Variants in ENOX1 observed in about 807,000 individuals in gnomAD.
ENOX1 encodes candidate growth-related and time keeping constitutive hydroquinone (NADH) oxidase.
Under a neutral mutation model 82.5 loss-of-function variants are expected in ENOX1, and 42 were observed. The observed-to-expected ratio is 0.51, with a 90% confidence interval of 0.40 to 0.66. The LOEUF (loss-of-function observed/expected upper bound fraction) is 0.66. ENOX1 is among the 30% of genes least tolerant of loss of function. The probability of loss-of-function intolerance (pLI) is 0.00; values close to 1 mark genes in which losing one functional copy is unlikely to be tolerated. For synonymous variants in ENOX1, 271 were observed against 282.2 expected, an observed-to-expected ratio of 0.96 and a Z score of 0.40; for missense variants, 608 against 811.6, an observed-to-expected ratio of 0.75 and a Z score of 3.05.
intron 14 of ENOX1, among the ~76,000 whole-genome samples, chr13:43,259,540 C>T (rs2043937394): frequency 6.6e-6 from 1 of 152,146 alleles, no homozygotes; most frequent in Admixed American, 6.5e-5. Context: ...GCGATCTCGG[C>T]TTACTGCTAC....
chr13:43,570,204 C>T (rs950278106), intron 2 of ENOX1, among the ~76,000 whole-genome samples: 3 of 152,254 alleles, frequency 2.0e-5, no homozygotes, highest in Admixed American at 6.5e-5. Context: ...GAGATAGTCA[C>T]GTTTCAAAGT....
At chr13:43,458,489 A>T (rs1378970629) in intron 3 of ENOX1, 1 of 152,198 alleles carries the variant, frequency 6.6e-6, no homozygotes, top group Admixed American at 6.5e-5. Context: ...GTCACCTGGA[A>T]GCAACGCATC....
intron 3 of ENOX1, among the ~76,000 whole-genome samples, chr13:43,421,602 CAGTTTTCTGTTAAGGCAGAAAGATAAAGG>C (rs2054979419): frequency 6.6e-6 from 1 of 152,136 alleles, no homozygotes; most frequent in East Asian, 1.9e-4. Flanking sequence ...ACTCTTTTTC[CAGTTTTCTGTTAAGGCAGAAAGATAAAGG>C]AGATATATAC....
At chr13:43,759,464 G>C (rs563188193) in intron 1 of ENOX1, among the ~76,000 whole-genome samples, 1 of 151,978 alleles carries the variant, frequency 6.6e-6, no homozygotes, top group Admixed American at 6.6e-5. Flanking sequence ...ATAGAACCTC[G>C]GAGTTAAATT....
At chr13:43,542,406 AT>A (rs1295513759) in intron 2 of ENOX1, among the ~76,000 whole-genome samples, 1 of 146,338 alleles carries the variant, frequency 6.8e-6, no homozygotes. Context: ...TGCTGGGATT[AT>A]AGGCTTAAGC....
chr13:43,281,580 C>A (rs909845505), intron 12 of ENOX1, among the ~76,000 whole-genome samples: 10 of 152,114 alleles, frequency 6.6e-5, no homozygotes, highest in Middle Eastern at 3.2e-3. Context: ...CTTTAGCAGT[C>A]CCCCTACTCT....
intron 9 of ENOX1, among the ~76,000 whole-genome samples, chr13:43,337,698 A>G (rs2048792993): frequency 6.6e-6 from 1 of 152,114 alleles, no homozygotes; most frequent in African/African-American, 2.4e-5. Flanking sequence ...TCTACCTATA[A>G]GCTGTACCTT....
chr13:43,564,470 A>G (rs2079829579), intron 2 of ENOX1, among the ~76,000 whole-genome samples: 2 of 152,122 alleles, frequency 1.3e-5, no homozygotes, highest in Non-Finnish European at 2.9e-5. Flanking sequence ...TGAGGAATAG[A>G]CGGAATTTGA....
intron 11 of ENOX1, among the ~76,000 whole-genome samples, chr13:43,298,876 C>CAATCATATCTACT (rs1383109519): frequency 1.2e-4 from 18 of 152,250 alleles, no homozygotes; most frequent in African/African-American, 4.3e-4. Context: ...TTCCAGGCAA[C>CAATCATATCTACT]AATCATATCT....
Position 43,506,552 on chromosome 13 carries a change from C to T in ENOX1, c.-218-22400G>A, listed in dbSNP as rs1003843039. Among the ~76,000 whole-genome samples the T allele has an allele frequency of 5.2e-5, 7 of 135,920 alleles. 1 individual carries two copies. The highest frequency in any genetic ancestry group is 1.5e-4 in the Admixed American group (2 of 13,438). The allele number at this position is 135,920 out of a possible 152,430, so 89.2% of individuals were successfully genotyped here. Reference sequence around the variant, plus strand: ...ACATGCACACATATGTTTATTGTGGCACTATTCACAATAGCAAAGACTTGG... The same window carrying T: ...ACATGCACACATATGTTTATTGTGGTACTATTCACAATAGCAAAGACTTGG... On this transcript the variant is annotated intron_variant, in intron 2 of 16. Coordinates refer to ENST00000690772, the MANE Select transcript of ENOX1 (RefSeq NM_001347969.2).
chr13:43,575,504 A>T (rs1369290726), intron 2 of ENOX1, among the ~76,000 whole-genome samples: 1 of 152,210 alleles, frequency 6.6e-6, no homozygotes, highest in African/African-American at 2.4e-5. Flanking sequence ...AGATTTCCAT[A>T]GGTAGTGTTC....
At chr13:43,373,515 T>A (rs1464722526) in intron 5 of ENOX1, among the ~76,000 whole-genome samples, 1 of 152,190 alleles carries the variant, frequency 6.6e-6, no homozygotes, top group East Asian at 1.9e-4. Context: ...AACTGAGTTT[T>A]CCCTTTGTAA....
At chr13:43,470,344 A>G (rs1406031388) in intron 3 of ENOX1, among the ~76,000 whole-genome samples, 14 of 11,524 alleles carry the variant, frequency 1.2e-3, no homozygotes, top group Admixed American at 2.5e-3. Context: ...ATATATACGT[A>G]TATATATATG....
At chr13:43,520,306 C>G (rs2077714686) in intron 2 of ENOX1, among the ~76,000 whole-genome samples, 1 of 152,124 alleles carries the variant, frequency 6.6e-6, no homozygotes. Context: ...GAATGTACTT[C>G]ATTATCCCTG....
chr13:43,460,456 G>T (rs1470020755), intron 3 of ENOX1, among the ~76,000 whole-genome samples: 2 of 152,048 alleles, frequency 1.3e-5, no homozygotes, highest in African/African-American at 4.8e-5. Context: ...AACTGTCCTG[G>T]TTTGCCCAGT....
At chr13:43,530,981 G>A (rs2078185136) in intron 2 of ENOX1, among the ~76,000 whole-genome samples, 2 of 151,714 alleles carry the variant, frequency 1.3e-5, no homozygotes, top group Admixed American at 6.6e-5. Context: ...ACAATCTGGG[G>A]AAGTCCTTAT....
chr13:43,728,001 T>C (rs1028219429), intron 1 of ENOX1, among the ~76,000 whole-genome samples: 1 of 152,222 alleles, frequency 6.6e-6, no homozygotes, highest in Admixed American at 6.5e-5. Context: ...AAATATGCAA[T>C]AGTTTAATGT....
intron 2 of ENOX1, among the ~76,000 whole-genome samples, chr13:43,500,126 C>A (rs1171513792): frequency 6.6e-6 from 1 of 151,912 alleles, no homozygotes; most frequent in East Asian, 1.9e-4. Context: ...CATCAGCAAG[C>A]AAACTAATAT....
At chr13:43,498,736 T>C (rs2076878575) in intron 2 of ENOX1, among the ~76,000 whole-genome samples, 1 of 152,074 alleles carries the variant, frequency 6.6e-6, no homozygotes, top group Non-Finnish European at 1.5e-5. Context: ...CAAAAGCCAC[T>C]CATTTAACAA....
Sources: allele counts gnomAD v4.1 joint callset (sites outside exome capture counted in the v4.1 genomes callset), GRCh38; gene constraint gnomAD v4.1.1; transcripts MANE v1.5; gene names NCBI Gene and HGNC (gene_info 2026-07-23, HGNC 2026-07-21).